SIPA1L1: variants seen among roughly 807,000 people sequenced by gnomAD.
SIPA1L1 encodes signal induced proliferation associated 1 like 1, also known as signal-induced proliferation-associated 1-like protein 1.
In SIPA1L1, 26 loss-of-function variants were observed where a neutral mutation model predicts 162.7. The ratio of observed to expected loss-of-function variants is 0.16; its 90% CI spans 0.12 to 0.22. The LOEUF (loss-of-function observed/expected upper bound fraction) is 0.22, where lower values mean the gene tolerates loss of function less well. SIPA1L1 is among the 10% of genes least tolerant of loss of function. The probability of loss-of-function intolerance (pLI) is 1.00; values close to 1 mark genes in which losing one functional copy is unlikely to be tolerated. For missense variants in SIPA1L1, 1,874 were observed against 2,241.0 expected, an observed-to-expected ratio of 0.84 and a Z score of 3.31; for synonymous variants, 829 against 837.4, an observed-to-expected ratio of 0.99 and a Z score of 0.17.
chr14:71,730,378 G>A, intron 20 of SIPA1L1, 77 bp downstream of exon 20: 1 of 1,538,260 alleles, frequency 6.5e-7, no homozygotes. Flanking sequence ...TGCCACTCAT[G>A]TGCTCAGAGA....
At chr14:71,474,988 T>G (rs1334755754) in intron 2 of SIPA1L1, among the ~76,000 whole-genome samples, 1 of 152,202 alleles carries the variant, frequency 6.6e-6, no homozygotes, top group Non-Finnish European at 1.5e-5. Flanking sequence ...GTAGAATGTC[T>G]TTGCTGGCCA....
intron 4 of SIPA1L1, among the ~76,000 whole-genome samples, chr14:71,567,609 G>T (rs544388443): frequency 6.2e-4 from 93 of 151,030 alleles, no homozygotes; most frequent in Middle Eastern, 3.4e-3. Context: ...GATTATTCAT[G>T]AGTTTTCTGG....
At chr14:71,330,768 G>T in intron 2 of SIPA1L1, 1 of 764,938 alleles carries the variant, frequency 1.3e-6, no homozygotes, top group South Asian at 1.4e-5. Flanking sequence ...TCTCGGGCAA[G>T]GCCCAGTGGG....
chr14:71,418,375 T>C (rs2053441859), intron 2 of SIPA1L1, among the ~76,000 whole-genome samples: 1 of 152,182 alleles, frequency 6.6e-6, no homozygotes, highest in African/African-American at 2.4e-5. Flanking sequence ...AATTTGCTAA[T>C]AGTGGATTTG....
At chr14:71,675,209 G>T (rs1020509685) in intron 12 of SIPA1L1, among the ~76,000 whole-genome samples, 2 of 152,210 alleles carry the variant, frequency 1.3e-5, no homozygotes, top group African/African-American at 4.8e-5. Context: ...CTGTCACACC[G>T]CTGTGACGCT....
rs113469231 is a variant in SIPA1L1 at position 71,685,582 on chromosome 14, G to A, written c.3325G>A (p.Ala1109Thr). Residue 1109 changes from alanine to threonine, a missense_variant, in exon 13 of 24, where the codon GCC becomes ACC. Ala to Thr is a moderately conservative substitution (Grantham distance 58). This residue lies in a region of SIPA1L1 where 936 missense variants were observed against 1,051.9 expected (regional missense o/e 0.89). Transcript: ENST00000381232. Reference protein sequence around the residue: ...DGKMPPPERAANIPRSISSDG... With the variant: ...DGKMPPPERATNIPRSISSDG... The stretch of plus-strand genomic sequence containing the variant: ...GAAGATGCCTCCTCCAGAAAGAGCC[G>A]CCAACATCCCTCGAAGCATCTCCAG... 4.3e-6 allele frequency: 7 copies of A among 1,614,162 alleles called. No homozygotes were observed. Among genetic ancestry groups the A allele is most frequent in the Non-Finnish European group, 4.2e-6 (5 of 1,180,044 alleles).
At position 71,715,021 on chromosome 14, in the gene SIPA1L1, A is replaced by T. The variant is rs562708444; in HGVS notation, c.4208+5357A>T. On this transcript the variant is annotated intron_variant, in intron 17 of 23. Coordinates refer to ENST00000381232, the MANE Select transcript of SIPA1L1 (RefSeq NM_001386936.1). ...TTTATGAGCTGAGTGTTTTCTAAAC[A>T]TGAAGATTTTTGACATCTAAGATTC... 1.2e-3 allele frequency among the ~76,000 whole-genome samples: 177 copies of T among 152,378 alleles called. 1 individual carries two copies. Among genetic ancestry groups the T allele is most frequent in the South Asian group, 7.5e-3 (36 of 4,832 alleles).
chr14:71,569,858 G>T (rs1325454302), intron 4 of SIPA1L1, among the ~76,000 whole-genome samples: 1 of 152,166 alleles, frequency 6.6e-6, no homozygotes, highest in Non-Finnish European at 1.5e-5. Flanking sequence ...CACCTTCCAT[G>T]TAAATGGATT....
intron 12 of SIPA1L1, among the ~76,000 whole-genome samples, chr14:71,681,672 C>T (rs2045820212): frequency 6.6e-6 from 1 of 152,002 alleles, no homozygotes; most frequent in Admixed American, 6.6e-5. Context: ...TTTTCCAAGC[C>T]AGAGTCACAT....
At chr14:71,502,253 A>ATATATATATATATATATATATAT (rs1555440974) in intron 2 of SIPA1L1, among the ~76,000 whole-genome samples, 1 of 89,904 alleles carries the variant, frequency 1.1e-5, no homozygotes, top group African/African-American at 4.6e-5. Context: ...AAAAAAAAAA[A>ATATATATATATATATATATATAT]AAATATATAT....
chr14:71,544,154 T>C (rs1440676253), intron 4 of SIPA1L1, among the ~76,000 whole-genome samples: 1 of 151,526 alleles, frequency 6.6e-6, no homozygotes, highest in East Asian at 1.9e-4. Flanking sequence ...TATGCACGTG[T>C]GTGTATATGT....
At chr14:71,651,907 GA>G (rs1289519306) in intron 8 of SIPA1L1, among the ~76,000 whole-genome samples, 5 of 152,166 alleles carry the variant, frequency 3.3e-5, no homozygotes, top group African/African-American at 1.2e-4. Flanking sequence ...GCTAGAGGGG[GA>G]TGAGCCTGGA....
At chr14:71,517,118 G>C (rs896193207) in intron 3 of SIPA1L1, among the ~76,000 whole-genome samples, 2 of 151,340 alleles carry the variant, frequency 1.3e-5, no homozygotes, top group South Asian at 2.1e-4. Flanking sequence ...GTTTTATTTC[G>C]TTTAATCTAG....
At chr14:71,551,124 T>G (rs941722783) in intron 4 of SIPA1L1, among the ~76,000 whole-genome samples, 1 of 152,200 alleles carries the variant, frequency 6.6e-6, no homozygotes, top group Admixed American at 6.5e-5. Context: ...TCATATCATC[T>G]TAAATGACTT....
At chr14:71,693,463 C>T (rs1432419181) in intron 13 of SIPA1L1, among the ~76,000 whole-genome samples, 1 of 152,092 alleles carries the variant, frequency 6.6e-6, no homozygotes, top group Non-Finnish European at 1.5e-5. Context: ...CACACCACTG[C>T]ACTCCAGCCT....
At chr14:71,645,018 G>A (rs975409117) in intron 7 of SIPA1L1, among the ~76,000 whole-genome samples, 3 of 152,168 alleles carry the variant, frequency 2.0e-5, no homozygotes, top group African/African-American at 7.2e-5. Context: ...GGTGTCACTG[G>A]GCTAAAATCA....
chr14:71,395,807 T>G, intron 2 of SIPA1L1, among the ~76,000 whole-genome samples: 1 of 152,234 alleles, frequency 6.6e-6, no homozygotes, highest in East Asian at 1.9e-4. Flanking sequence ...ATTTATTAAG[T>G]ATGAAAACTA....
intron 5 of SIPA1L1, among the ~76,000 whole-genome samples, chr14:71,593,451 A>G (rs2035652841): frequency 1.3e-5 from 2 of 152,212 alleles, no homozygotes; most frequent in South Asian, 4.1e-4. Context: ...GCCTTAAGTG[A>G]TCTGCCTGCC....
At chr14:71,492,465 T>C (rs1020061936) in intron 2 of SIPA1L1, among the ~76,000 whole-genome samples, 3 of 152,198 alleles carry the variant, frequency 2.0e-5, no homozygotes, top group Non-Finnish European at 4.4e-5. Flanking sequence ...TTGACAGAGC[T>C]GTTTAATAGT....
Sources: gnomAD v4.1 joint callset for allele counts (sites outside exome capture counted in the v4.1 genomes callset) on GRCh38, gnomAD v4.1.1 for gene constraint, gnomAD v4.1.1 regional missense constraint, MANE v1.5 for transcripts, NCBI Gene and HGNC (gene_info 2026-07-23, HGNC 2026-07-21) for gene names.